The following GLRA3 variants were observed in gnomAD, a reference collection of about 807,000 sequenced individuals.
GLRA3 encodes the protein glycine receptor subunit alpha-3.
GLRA3 carries 44 observed loss-of-function variants against 60.4 expected under a neutral mutation model. The ratio of observed to expected loss-of-function variants is 0.73; its 90% CI spans 0.57 to 0.94. The LOEUF (loss-of-function observed/expected upper bound fraction) is 0.94. Ranked by LOEUF, GLRA3 falls within the 40% of genes least tolerant of loss-of-function variation. The pLI is 0.00. For synonymous variants in GLRA3, 223 were observed against 192.9 expected (o/e 1.16, Z -1.29); for missense variants, 508 against 564.6 (o/e 0.90, Z 1.02).
intron 3 of GLRA3, among the ~76,000 whole-genome samples, chr4:174,742,102 T>A (rs1400615848): frequency 6.6e-6 from 1 of 152,088 alleles, no homozygotes; most frequent in Non-Finnish European, 1.5e-5. Flanking sequence ...AGCAATTTTG[T>A]TGTTAAAAGA....
intron 8 of GLRA3, among the ~76,000 whole-genome samples, chr4:174,656,998 T>A (rs1219612185): frequency 6.6e-6 from 1 of 152,072 alleles, no homozygotes; most frequent in African/African-American, 2.4e-5. Flanking sequence ...ATCATAATTA[T>A]GTTTAATTAC....
chr4:174,692,027 GC>G (rs1402855042), intron 5 of GLRA3, among the ~76,000 whole-genome samples: 5 of 150,042 alleles, frequency 3.3e-5, no homozygotes, highest in Non-Finnish European at 7.4e-5. Context: ...TGTGAGGAGC[GC>G]CTCTACCCGG....
At chr4:174,678,858 C>T (rs1326532101) in intron 6 of GLRA3, among the ~76,000 whole-genome samples, 3 of 152,036 alleles carry the variant, frequency 2.0e-5, no homozygotes, top group Non-Finnish European at 4.4e-5. Flanking sequence ...ATAACTGAAA[C>T]ATATTTATAA....
intron 5 of GLRA3, among the ~76,000 whole-genome samples, chr4:174,702,997 C>A (rs4498113): frequency 0.98 from 149,152 of 152,250 alleles, 73,130 homozygotes; most frequent in East Asian, 1. Context: ...TACTCACGCC[C>A]AGTGCTAACA....
chr4:174,754,385 A>G (rs1737603994), intron 3 of GLRA3, among the ~76,000 whole-genome samples: 1 of 152,128 alleles, frequency 6.6e-6, no homozygotes, highest in Non-Finnish European at 1.5e-5. Context: ...TGCCATTTCT[A>G]TATTTGGTTT....
chr4:174,707,041 T>G (rs1735545030), intron 5 of GLRA3, among the ~76,000 whole-genome samples: 1 of 152,234 alleles, frequency 6.6e-6, no homozygotes, highest in African/African-American at 2.4e-5. Flanking sequence ...TATAGTGTTC[T>G]CAGCAAGATA....
chr4:174,643,028 A>G lies in GLRA3; in HGVS notation c.*758T>C. Reference sequence around the variant, plus strand: ...GGCTTGAATTGTTCAATGTTTGGCAATAACTAAAAATACATAGCTATAATA... The same window carrying G: ...GGCTTGAATTGTTCAATGTTTGGCAGTAACTAAAAATACATAGCTATAATA... On this transcript the variant is annotated 3_prime_UTR_variant, in exon 10 of 10. Coordinates refer to ENST00000274093, the MANE Select transcript of GLRA3 (RefSeq NM_006529.4). 1 of 946,464 alleles carries G rather than the reference A, an allele frequency of 1.1e-6. No homozygotes were observed. The highest frequency in any genetic ancestry group is 1.3e-6 in the Non-Finnish European group (1 of 795,052). The allele number at this position is 946,464 out of a possible 1,614,324, so 58.6% of individuals were successfully genotyped here. A position where few individuals can be genotyped will look rare whatever the true frequency, so the allele number is the denominator to read the frequency against.
In GLRA3 at chr4:174,641,985, C is replaced by A. The variant is rs1732634962; in HGVS notation, c.*1801G>T. The A allele has an allele frequency of 5.8e-6, 1 of 173,514 alleles. No individual in the cohort carries two copies. Among genetic ancestry groups the A allele is most frequent in the South Asian group, 1.9e-4 (1 of 5,164 alleles). 10.7% of individuals were successfully genotyped at this position (173,514 alleles called of 1,614,324 possible). The stretch of plus-strand genomic sequence containing the variant: ...AATGAAGAAGCATATGTTTAATTTT[C>A]AGGTGCACAGTCCTCAACGTGGGTA... On this transcript the variant is annotated 3_prime_UTR_variant, in exon 10 of 10. Transcript: ENST00000274093.
intron 3 of GLRA3, among the ~76,000 whole-genome samples, chr4:174,757,165 T>C (rs1737750918): frequency 6.6e-6 from 1 of 152,222 alleles, no homozygotes; most frequent in African/African-American, 2.4e-5. Context: ...GTACTAGAAC[T>C]ATTGAATTAA....
At chr4:174,656,598 C>G in intron 9 of GLRA3, 145 bp downstream of exon 9, 1 of 484,154 alleles carries the variant, frequency 2.1e-6, no homozygotes, top group Non-Finnish European at 3.8e-6. Context: ...CCCTTCTTAG[C>G]TGAAGGGGGA....
chr4:174,705,067 G>T (rs1735464978), intron 5 of GLRA3, among the ~76,000 whole-genome samples: 1 of 144,056 alleles, frequency 6.9e-6, no homozygotes, highest in African/African-American at 2.5e-5. Flanking sequence ...AAATGGTTAA[G>T]ATGGTACATT....
At chr4:174,782,216 C>T (rs1210617219) in intron 2 of GLRA3, among the ~76,000 whole-genome samples, 1 of 149,448 alleles carries the variant, frequency 6.7e-6, no homozygotes, top group African/African-American at 2.5e-5. Context: ...AAGACAAAAA[C>T]CACATGATTA....
intron 9 of GLRA3, among the ~76,000 whole-genome samples, chr4:174,654,199 G>C (rs1579392331): frequency 6.6e-6 from 1 of 152,094 alleles, no homozygotes; most frequent in Admixed American, 6.6e-5. Context: ...GCTTTCAACC[G>C]TGAATCCTTC....
At chr4:174,700,187 T>A (rs1191071619) in intron 5 of GLRA3, among the ~76,000 whole-genome samples, 1 of 152,204 alleles carries the variant, frequency 6.6e-6, no homozygotes, top group East Asian at 1.9e-4. Context: ...TTCACCATTT[T>A]CTGTGTCTTT....
At chr4:174,734,251 A>G (rs2111151131) in intron 3 of GLRA3, among the ~76,000 whole-genome samples, 1 of 152,348 alleles carries the variant, frequency 6.6e-6, no homozygotes, top group East Asian at 1.9e-4. Flanking sequence ...AAGCTTTTAC[A>G]GTTCTGAAGT....
intron 1 of GLRA3, among the ~76,000 whole-genome samples, chr4:174,806,307 T>C (rs1740049798): frequency 6.6e-6 from 1 of 152,104 alleles, no homozygotes; most frequent in Non-Finnish European, 1.5e-5. Flanking sequence ...TTTGAAAATC[T>C]AAGAGGAAAC....
intron 5 of GLRA3, among the ~76,000 whole-genome samples, chr4:174,702,423 G>T (rs1464451564): frequency 6.6e-6 from 1 of 152,068 alleles, no homozygotes; most frequent in African/African-American, 2.4e-5. Context: ...TAATGTAACT[G>T]CTTTACTGTC....
intron 2 of GLRA3, among the ~76,000 whole-genome samples, chr4:174,784,198 T>G (rs1372420403): frequency 1.4e-5 from 1 of 72,792 alleles, no homozygotes; most frequent in African/African-American, 4.4e-5. Context: ...AAATCATCAT[T>G]CTCAGTAAAC....
At chr4:174,769,247 C>T (rs1013900867) in intron 2 of GLRA3, among the ~76,000 whole-genome samples, 3 of 152,038 alleles carry the variant, frequency 2.0e-5, no homozygotes, top group African/African-American at 7.2e-5. Context: ...CCTATCTCTA[C>T]TAACATAAGC....
Sources: allele counts gnomAD v4.1 joint callset (sites outside exome capture counted in the v4.1 genomes callset), GRCh38; gene constraint gnomAD v4.1.1; transcripts MANE v1.5; gene names NCBI Gene and HGNC (gene_info 2026-07-23, HGNC 2026-07-21).